MBD2: variants seen among roughly 807,000 people sequenced by gnomAD.
MBD2 encodes the protein methyl-CpG binding domain protein 2.
A neutral mutation model predicts 39.3 loss-of-function variants in MBD2; 9 were observed. That is an observed-to-expected ratio of 0.23 (90% CI 0.14 to 0.40). MBD2 has a LOEUF of 0.40. Ranked by LOEUF, MBD2 falls within the 10% of genes least tolerant of loss-of-function variation. The pLI is 1.00. For missense variants in MBD2, 458 were observed against 532.6 expected (o/e 0.86, Z 1.38); for synonymous variants, 233 against 211.1 (o/e 1.10, Z -0.90).
chr18:54,184,181 C>G (rs527438942), intron 3 of MBD2, among the ~76,000 whole-genome samples: 3 of 152,084 alleles, frequency 2.0e-5, no homozygotes, highest in African/African-American at 7.2e-5. Context: ...AAAAGAGTCC[C>G]CAACCCCCAG....
At chr18:54,195,304 A>G (rs1218351537) in intron 2 of MBD2, among the ~76,000 whole-genome samples, 1 of 152,104 alleles carries the variant, frequency 6.6e-6, no homozygotes, top group East Asian at 1.9e-4. Flanking sequence ...CAAGCCTAGT[A>G]GACTCATTTT....
chr18:54,189,348 C>G (rs955567115), intron 2 of MBD2, among the ~76,000 whole-genome samples: 1 of 151,838 alleles, frequency 6.6e-6, no homozygotes, highest in African/African-American at 2.4e-5. Flanking sequence ...CTCAGCCTCC[C>G]GAGTAGCTGG....
chr18:54,199,285 G>A (rs957911336), intron 2 of MBD2, among the ~76,000 whole-genome samples: 6 of 152,088 alleles, frequency 3.9e-5, no homozygotes, highest in African/African-American at 1.4e-4. Context: ...GAAATCCAAT[G>A]GCTAGACAAA....
intron 5 of MBD2, among the ~76,000 whole-genome samples, chr18:54,162,743 T>C (rs2086105964): frequency 6.6e-6 from 1 of 152,216 alleles, no homozygotes; most frequent in African/African-American, 2.4e-5. Flanking sequence ...AATGAGCAAG[T>C]TGATTCCTTT....
At chr18:54,181,563 G>A (rs994989454) in intron 3 of MBD2, among the ~76,000 whole-genome samples, 4 of 151,888 alleles carry the variant, frequency 2.6e-5, no homozygotes, top group East Asian at 1.9e-4. Flanking sequence ...GCAGCGGTGC[G>A]ATCTCGGCTC....
intron 3 of MBD2, among the ~76,000 whole-genome samples, chr18:54,181,386 A>G (rs2086250990): frequency 6.6e-6 from 1 of 152,360 alleles, no homozygotes; most frequent in African/African-American, 2.4e-5. Flanking sequence ...TTTAAAAAAT[A>G]TTGAGCTACC....
intron 3 of MBD2, among the ~76,000 whole-genome samples, chr18:54,172,558 T>G (rs2086185684): frequency 6.6e-6 from 1 of 152,214 alleles, no homozygotes; most frequent in African/African-American, 2.4e-5. Context: ...CTGAAAAGCA[T>G]CTACATCATA....
intron 1 of MBD2, among the ~76,000 whole-genome samples, chr18:54,206,754 C>G (rs933285708): frequency 6.8e-6 from 1 of 147,576 alleles, no homozygotes; most frequent in African/African-American, 2.4e-5. Context: ...AAATAACAAC[C>G]AGTAACAACA....
intron 1 of MBD2, among the ~76,000 whole-genome samples, chr18:54,211,653 A>G (rs1210713903): frequency 6.6e-6 from 1 of 152,118 alleles, no homozygotes; most frequent in Non-Finnish European, 1.5e-5. Flanking sequence ...GCCACTGCCC[A>G]AATCAAGTCT....
intron 3 of MBD2, among the ~76,000 whole-genome samples, chr18:54,173,805 T>C (rs1411460769): frequency 6.6e-6 from 1 of 152,216 alleles, no homozygotes; most frequent in Non-Finnish European, 1.5e-5. Context: ...AGGAAAGGAC[T>C]GAAGCCTAGA....
chr18:54,211,358 G>A (rs1218873716), intron 1 of MBD2, among the ~76,000 whole-genome samples: 4 of 149,292 alleles, frequency 2.7e-5, no homozygotes, highest in South Asian at 2.1e-4. Flanking sequence ...TCAGAAACCC[G>A]CCAAATTAAA....
chr18:54,199,162 AG>A (rs2086387764), intron 2 of MBD2, among the ~76,000 whole-genome samples: 1 of 152,192 alleles, frequency 6.6e-6, no homozygotes, highest in Admixed American at 6.5e-5. Context: ...TTGAAAGAAC[AG>A]GCACATTGTG....
At chr18:54,188,805 G>T in intron 3 of MBD2, 69 bp downstream of exon 3, 1 of 1,465,836 alleles carries the variant, frequency 6.8e-7, no homozygotes, top group South Asian at 1.4e-5. Context: ...GAATTTATTT[G>T]AATTATTTCT....
intron 1 of MBD2, among the ~76,000 whole-genome samples, chr18:54,210,972 C>T (rs919499828): frequency 1.2e-4 from 17 of 147,522 alleles, no homozygotes; most frequent in South Asian, 6.5e-4. Context: ...CCCGGGTTCA[C>T]GCCATTCTCC....
At chr18:54,166,720 C>T (rs2086135510) in intron 3 of MBD2, among the ~76,000 whole-genome samples, 1 of 152,130 alleles carries the variant, frequency 6.6e-6, no homozygotes, top group Non-Finnish European at 1.5e-5. Flanking sequence ...CTGGATGTCA[C>T]ATTCATGAGT....
intron 3 of MBD2, among the ~76,000 whole-genome samples, chr18:54,170,605 A>C (rs1568080555): frequency 6.6e-6 from 1 of 152,248 alleles, no homozygotes; most frequent in South Asian, 2.1e-4. Flanking sequence ...GAGGATCAAC[A>C]ATATTCAACA....
intron 3 of MBD2, among the ~76,000 whole-genome samples, chr18:54,180,897 C>CTTTTTTTTTTTTTTTTTTTTTTTTT (rs1211071727): frequency 8.5e-5 from 9 of 105,358 alleles, no homozygotes; most frequent in African/African-American, 2.3e-4. Flanking sequence ...TTAATTTTTT[C>CTTTTTTTTTTTTTTTTTTTTTTTTT]TTTTTCTTTT....
chr18:54,213,297 G>C (rs1490330851), intron 1 of MBD2, among the ~76,000 whole-genome samples: 5 of 152,074 alleles, frequency 3.3e-5, no homozygotes, highest in Non-Finnish European at 7.4e-5. Context: ...ATTCTCATAG[G>C]AGCATGAACC....
At chr18:54,190,389 C>A (rs2086312396) in intron 2 of MBD2, among the ~76,000 whole-genome samples, 1 of 152,176 alleles carries the variant, frequency 6.6e-6, no homozygotes, top group African/African-American at 2.4e-5. Context: ...TTCAGTGGAG[C>A]ATCCACATGG....
Sources: allele counts gnomAD v4.1 joint callset (sites outside exome capture counted in the v4.1 genomes callset), GRCh38; gene constraint gnomAD v4.1.1; transcripts MANE v1.5; gene names NCBI Gene and HGNC (gene_info 2026-07-23, HGNC 2026-07-21).